The following TNFRSF19 variants were observed in gnomAD, a reference collection of about 807,000 sequenced individuals.
The protein encoded by TNFRSF19 is tumor necrosis factor receptor superfamily member 19.
Under a neutral mutation model 46.4 loss-of-function variants are expected in TNFRSF19, and 27 were observed. That is an observed-to-expected ratio of 0.58 (90% confidence interval 0.43 to 0.80). The LOEUF (loss-of-function observed/expected upper bound fraction) is 0.80. Ranked by LOEUF, TNFRSF19 falls within the 30% of genes least tolerant of loss-of-function variation. TNFRSF19 has a pLI of 0.00. For missense variants in TNFRSF19, 511 were observed against 530.8 expected (o/e 0.96, Z 0.37); for synonymous variants, 204 against 205.0 (o/e 1.00, Z 0.04).
rs1956393865 is a variant in TNFRSF19, at chr13:23,673,362, G to A, written c.1246-10G>A. Reference sequence around the variant, plus strand: ...TTATTTCTAAAGCTTCCTTTCTGTTGCTGTTTTAGGAAGCTTAAAGAACCT... The same window carrying A: ...TTATTTCTAAAGCTTCCTTTCTGTTACTGTTTTAGGAAGCTTAAAGAACCT... On this transcript the variant is annotated splice_polypyrimidine_tract_variant and intron_variant, in intron 9 of 9. Coordinates refer to ENST00000248484, the MANE Select transcript of TNFRSF19 (RefSeq NM_148957.4). 2 of 1,598,434 alleles carry A rather than the reference G, an allele frequency of 1.3e-6. No homozygotes were observed. The highest frequency in any genetic ancestry group is 1.1e-5 in the South Asian group (1 of 88,346).
chr13:23,664,777 G>C (rs1303420386), intron 7 of TNFRSF19, among the ~76,000 whole-genome samples: 1 of 152,186 alleles, frequency 6.6e-6, no homozygotes, highest in African/African-American at 2.4e-5. Flanking sequence ...GCCTACTACA[G>C]AGCTAGGCTA....
intron 3 of TNFRSF19, among the ~76,000 whole-genome samples, chr13:23,610,698 C>T (rs1422097692): frequency 2.6e-5 from 4 of 152,040 alleles, no homozygotes; most frequent in Admixed American, 6.5e-5. Context: ...TATTATTCAC[C>T]GGCCTGTTAG....
rs1880341586 is a variant in TNFRSF19 at position 23,603,952 on chromosome 13, C to G, written c.180+10497C>G. Among the ~76,000 whole-genome samples the G allele has an allele frequency of 2.0e-5, 3 of 151,880 alleles. No individual in the cohort carries two copies. In the South Asian group the frequency reaches 6.2e-4, roughly 32 times the overall value. ...AGATCAGGAACAAGGCAAGGATGTT[C>G]CCTTTCACCACTCATTTTCAGCATC... On this transcript the variant is annotated intron_variant, in intron 3 of 9. Coordinates refer to ENST00000248484, the MANE Select transcript of TNFRSF19 (RefSeq NM_148957.4).
intron 4 of TNFRSF19, among the ~76,000 whole-genome samples, chr13:23,623,259 A>G (rs1481908886): frequency 6.6e-6 from 1 of 152,222 alleles, no homozygotes; most frequent in African/African-American, 2.4e-5. Flanking sequence ...CTCAAGGTTT[A>G]TACATGTTGT....
chr13:23,572,372 CA>C (rs1430795396), intron 1 of TNFRSF19, among the ~76,000 whole-genome samples: 3 of 151,788 alleles, frequency 2.0e-5, no homozygotes, highest in South Asian at 2.1e-4. Flanking sequence ...TCCTTTTAAT[CA>C]CAAAAGTGGT....
intron 7 of TNFRSF19, among the ~76,000 whole-genome samples, chr13:23,664,825 C>T (rs983518813): frequency 1.3e-5 from 2 of 152,126 alleles, no homozygotes; most frequent in Non-Finnish European, 2.9e-5. Context: ...CAAACCTGTA[C>T]GGCATGTGAC....
rs763534391 is a variant in TNFRSF19 at position 23,668,740 on chromosome 13, C to T, written c.888C>T (p.Leu296=). 3.7e-6 allele frequency: 6 copies of T among 1,614,242 alleles called. No homozygotes were observed. In the South Asian group the frequency reaches 5.5e-5, roughly 15 times the overall value. ...TGGTGCCGACTTTCTTCGGATCCCTCACGCAGTCCATCTGTGGCGAGTTTT... is the reference window on the plus strand; with the variant it reads ...TGGTGCCGACTTTCTTCGGATCCCTTACGCAGTCCATCTGTGGCGAGTTTT... The part of the protein sequence containing the change: ...GEMVPTFFGS[L]TQSICGEFSD... The change falls in exon 9 of 10, where the codon CTC becomes CTT. Residue 296 remains leucine (L), a synonymous_variant. Coordinates refer to ENST00000248484, the MANE Select transcript of TNFRSF19 (RefSeq NM_148957.4).
intron 5 of TNFRSF19, among the ~76,000 whole-genome samples, chr13:23,642,813 C>A (rs1883105410): frequency 6.6e-6 from 1 of 152,174 alleles, no homozygotes. Flanking sequence ...AGAGCTCCAG[C>A]AATAAAATCA....
intron 6 of TNFRSF19, among the ~76,000 whole-genome samples, chr13:23,660,021 G>T (rs771954929): frequency 1.2e-4 from 19 of 152,132 alleles, no homozygotes; most frequent in Non-Finnish European, 2.6e-4. Context: ...AGAGGCTGAA[G>T]AAAATCTGTG....
chr13:23,596,615 C>CCTGGA (rs1418766896), intron 3 of TNFRSF19, among the ~76,000 whole-genome samples: 2 of 147,018 alleles, frequency 1.4e-5, no homozygotes, highest in African/African-American at 5.0e-5. Context: ...TTCTTAGAGA[C>CCTGGA]CTACACAAAG....
intron 3 of TNFRSF19, among the ~76,000 whole-genome samples, chr13:23,595,448 A>G (rs1879650226): frequency 6.6e-6 from 1 of 152,208 alleles, no homozygotes; most frequent in Non-Finnish European, 1.5e-5. Flanking sequence ...ACAGCACAAG[A>G]ACTTCATGAA....
At chr13:23,596,840 A>G (rs546679279) in intron 3 of TNFRSF19, among the ~76,000 whole-genome samples, 9 of 152,350 alleles carry the variant, frequency 5.9e-5, no homozygotes, top group Non-Finnish European at 8.8e-5. Context: ...AAAATTGACC[A>G]CATATTTGGA....
intron 1 of TNFRSF19, among the ~76,000 whole-genome samples, chr13:23,577,404 C>G (rs1252984532): frequency 6.6e-6 from 1 of 152,204 alleles, no homozygotes; most frequent in Non-Finnish European, 1.5e-5. Flanking sequence ...CAATTCCACT[C>G]AGAAAGCTTT....
At chr13:23,653,956 A>C (rs867370162) in intron 5 of TNFRSF19, among the ~76,000 whole-genome samples, 1 of 151,996 alleles carries the variant, frequency 6.6e-6, no homozygotes, top group Non-Finnish European at 1.5e-5. Context: ...CACCTGCCCT[A>C]ATAGAATGTT....
chr13:23,637,296 G>T (rs9510791), intron 5 of TNFRSF19, among the ~76,000 whole-genome samples: 71,998 of 152,066 alleles, frequency 0.47, 17,663 homozygotes, highest in East Asian at 0.71. Context: ...GGAAGCTCAT[G>T]TAGGCTTCGC....
intron 3 of TNFRSF19, among the ~76,000 whole-genome samples, chr13:23,603,477 G>A (rs1880306253): frequency 6.6e-6 from 1 of 151,930 alleles, no homozygotes; most frequent in Non-Finnish European, 1.5e-5. Context: ...ATTCTGTGAG[G>A]CCAGAAATCA....
intron 1 of TNFRSF19, among the ~76,000 whole-genome samples, chr13:23,589,647 C>T (rs935719431): frequency 6.6e-6 from 1 of 152,156 alleles, no homozygotes; most frequent in Non-Finnish European, 1.5e-5. Flanking sequence ...CTGAGTTTCC[C>T]CATCGCTAAA....
intron 2 of TNFRSF19, among the ~76,000 whole-genome samples, chr13:23,593,044 A>G (rs1351400126): frequency 6.6e-6 from 1 of 152,052 alleles, no homozygotes; most frequent in Admixed American, 6.5e-5. Context: ...GTCATGTCAT[A>G]TCTTGAGTCC....
chr13:23,641,703 TG>T (rs1242523271), intron 5 of TNFRSF19, among the ~76,000 whole-genome samples: 1 of 152,250 alleles, frequency 6.6e-6, no homozygotes, highest in African/African-American at 2.4e-5. Flanking sequence ...TGTTGCTTAT[TG>T]TTATATAACA....
Sources: allele counts gnomAD v4.1 joint callset (sites outside exome capture counted in the v4.1 genomes callset), GRCh38; gene constraint gnomAD v4.1.1; transcripts MANE v1.5; gene names NCBI Gene and HGNC (gene_info 2026-07-23, HGNC 2026-07-21).